Variants in PDE4D observed in about 807,000 individuals in gnomAD.
PDE4D encodes the protein 3',5'-cyclic-AMP phosphodiesterase 4D.
A neutral mutation model predicts 87.4 loss-of-function variants in PDE4D; 24 were observed. That is an observed-to-expected ratio of 0.27 (90% CI 0.20 to 0.39). The LOEUF is 0.39. Among genes scored for constraint, PDE4D ranks in the 10% least tolerant of loss-of-function variants. PDE4D has a pLI of 1.00. For synonymous variants in PDE4D, 384 were observed against 383.2 expected, an observed-to-expected ratio of 1.00 and a Z score of -0.02; for missense variants, 714 against 1,041.0, an observed-to-expected ratio of 0.69 and a Z score of 4.32.
At chr5:60,074,830 G>T (rs1365367410) in intron 2 of PDE4D, among the ~76,000 whole-genome samples, 1 of 151,976 alleles carries the variant, frequency 6.6e-6, no homozygotes, top group South Asian at 2.1e-4. Context: ...TGCAACCCCT[G>T]TTTTTTTCTG....
intron 1 of PDE4D, among the ~76,000 whole-genome samples, chr5:59,287,230 T>C (rs527589671): frequency 1.4e-4 from 21 of 152,190 alleles, no homozygotes; most frequent in South Asian, 1.0e-3. Flanking sequence ...CACAAGCTGA[T>C]TGAAGAGCCC....
At chr5:59,796,694 T>A (rs777945305) in intron 1 of PDE4D, among the ~76,000 whole-genome samples, 1 of 152,252 alleles carries the variant, frequency 6.6e-6, no homozygotes, top group Non-Finnish European at 1.5e-5. Flanking sequence ...TGCTTTTTCA[T>A]CTTCTTAGAT....
intron 6 of PDE4D, among the ~76,000 whole-genome samples, chr5:59,028,364 G>T (rs775560953): frequency 1.3e-5 from 2 of 151,556 alleles, no homozygotes; most frequent in Non-Finnish European, 2.9e-5. Flanking sequence ...CAAAAGGATA[G>T]AAATCAGGAT....
intron 2 of PDE4D, among the ~76,000 whole-genome samples, chr5:60,128,190 T>C (rs1446080040): frequency 1.3e-5 from 2 of 152,202 alleles, no homozygotes; most frequent in Non-Finnish European, 2.9e-5. Flanking sequence ...AAGATGATCT[T>C]GGGATGTATC....
intron 2 of PDE4D, among the ~76,000 whole-genome samples, chr5:60,106,805 A>T (rs1180619703): frequency 6.6e-6 from 1 of 152,122 alleles, no homozygotes; most frequent in African/African-American, 2.4e-5. Context: ...ATTCTTTGAA[A>T]CCAACGAGAA....
intron 1 of PDE4D, among the ~76,000 whole-genome samples, chr5:59,323,243 C>T (rs1484888053): frequency 6.6e-6 from 1 of 152,218 alleles, no homozygotes; most frequent in African/African-American, 2.4e-5. Flanking sequence ...ACATCAGATT[C>T]TCCCACTAAT....
chr5:59,017,120 C>T (rs1028315588), intron 6 of PDE4D, among the ~76,000 whole-genome samples: 5 of 152,242 alleles, frequency 3.3e-5, no homozygotes, highest in African/African-American at 9.6e-5. Context: ...GACAGGTCTA[C>T]GGAATGAGAG....
chr5:59,046,460 AAGG>A (rs1363891124), intron 5 of PDE4D, among the ~76,000 whole-genome samples: 1 of 149,726 alleles, frequency 6.7e-6, no homozygotes, highest in African/African-American at 2.5e-5. Flanking sequence ...GTGTAAGAGA[AAGG>A]AGTCAGCTTG....
chr5:60,507,641 T>C (rs2150252033), intron 1 of PDE4D, among the ~76,000 whole-genome samples: 1 of 152,280 alleles, frequency 6.6e-6, no homozygotes, highest in South Asian at 2.1e-4. Flanking sequence ...GTGAGCATTT[T>C]CTTTATTTAA....
intron 6 of PDE4D, among the ~76,000 whole-genome samples, chr5:59,000,368 T>C (rs186253369): frequency 6.6e-6 from 1 of 152,278 alleles, no homozygotes; most frequent in East Asian, 1.9e-4. Context: ...AACAAGTGGC[T>C]CCCTGGTGAT....
chr5:59,491,143 TTATG>T (rs1438022764), intron 1 of PDE4D, among the ~76,000 whole-genome samples: 2 of 152,208 alleles, frequency 1.3e-5, no homozygotes, highest in African/African-American at 2.4e-5. Flanking sequence ...TGGGAGATGA[TTATG>T]TATGTGATTT....
chr5:59,385,256 CCTG>C (rs1786746120), intron 1 of PDE4D, among the ~76,000 whole-genome samples: 2 of 152,176 alleles, frequency 1.3e-5, no homozygotes. Context: ...TTGATAGCTT[CCTG>C]CTTTTTGTGG....
intron 1 of PDE4D, among the ~76,000 whole-genome samples, chr5:59,440,467 A>G (rs1229360909): frequency 6.6e-6 from 1 of 152,200 alleles, no homozygotes; most frequent in Non-Finnish European, 1.5e-5. Context: ...GGTGCCATCA[A>G]GCACTATTCT....
chr5:60,115,104 C>T (rs189111759), intron 2 of PDE4D, among the ~76,000 whole-genome samples: 195 of 152,076 alleles, frequency 1.3e-3, no homozygotes, highest in African/African-American at 4.5e-3. Flanking sequence ...CTACACAGTC[C>T]AGAGATATTT....
intron 5 of PDE4D, among the ~76,000 whole-genome samples, chr5:59,167,675 CTTT>C (rs1284389973): frequency 2.6e-5 from 4 of 152,142 alleles, no homozygotes; most frequent in Non-Finnish European, 5.9e-5. Context: ...TTTCTCTCTT[CTTT>C]ATTTTACTTA....
chr5:59,764,637 G>T (rs975097829), intron 1 of PDE4D, among the ~76,000 whole-genome samples: 3 of 141,020 alleles, frequency 2.1e-5, no homozygotes, highest in African/African-American at 7.9e-5. Context: ...GTTTACTTAA[G>T]AAAAGAGAAG....
intron 1 of PDE4D, among the ~76,000 whole-genome samples, chr5:60,435,746 A>AT (rs199963020): frequency 9.2e-5 from 14 of 151,396 alleles, no homozygotes; most frequent in South Asian, 2.1e-4. Context: ...AGCTTTCAAG[A>AT]TTTTTTTTTA....
chr5:59,771,474 A>AAAGAGAGAG (rs1763486301), intron 1 of PDE4D, among the ~76,000 whole-genome samples: 1 of 97,806 alleles, frequency 1.0e-5, no homozygotes, highest in African/African-American at 4.1e-5. Context: ...AGAAAGAAAG[A>AAAGAGAGAG]AAGAAAGAAA....
At chr5:60,072,458 T>C (rs1490386967) in intron 2 of PDE4D, among the ~76,000 whole-genome samples, 1 of 152,170 alleles carries the variant, frequency 6.6e-6, no homozygotes, top group Non-Finnish European at 1.5e-5. Context: ...CTGTAGGTTG[T>C]CTATTTTCTC....
Sources: gnomAD v4.1 joint callset for allele counts (sites outside exome capture counted in the v4.1 genomes callset) on GRCh38, gnomAD v4.1.1 for gene constraint, MANE v1.5 for transcripts, NCBI Gene and HGNC (gene_info 2026-07-23, HGNC 2026-07-21) for gene names.